The following UBR3 variants were observed in gnomAD, a reference collection of about 807,000 sequenced individuals.
UBR3 encodes the protein ubiquitin protein ligase E3 component n-recognin 3.
UBR3 carries 85 observed loss-of-function variants against 243.2 expected under a neutral mutation model. The ratio of observed to expected loss-of-function variants is 0.35; its 90% CI spans 0.29 to 0.42. The LOEUF is 0.42. Among genes scored for constraint, UBR3 ranks in the 10% least tolerant of loss-of-function variants. The probability of loss-of-function intolerance (pLI) is 1.00; values close to 1 mark genes in which losing one functional copy is unlikely to be tolerated. For synonymous variants in UBR3, 748 were observed against 799.8 expected (o/e 0.94, Z 1.09); for missense variants, 1,686 against 2,300.8 (o/e 0.73, Z 5.47).
rs1265037213 is a variant in UBR3 at position 169,838,117 on chromosome 2, TA to T, written c.545+10067del. On this transcript the variant is annotated intron_variant, in intron 1 of 38. Transcript: ENST00000272793. ...GTCAAGTTCTCTGGAAAACTTCTGT[TA>T]AGATGTTGACTGGCATCACATTAAA... is the stretch of plus-strand genomic sequence containing the variant. Among the ~76,000 whole-genome samples, 3 of 152,324 alleles carry T rather than the reference TA, an allele frequency of 2.0e-5. No individual in the cohort carries two copies. In the East Asian group the frequency reaches 5.8e-4, roughly 29 times the overall value.
At chr2:169,931,350 TAAAAAAAAAAAAA>T (rs66951181) in intron 18 of UBR3, among the ~76,000 whole-genome samples, 2 of 87,568 alleles carry the variant, frequency 2.3e-5, no homozygotes, top group African/African-American at 8.9e-5. Context: ...GAATCTGTCT[TAAAAAAAAAAAAA>T]AAAAAAAAAA....
chr2:169,942,435 A>T, intron 19 of UBR3, 58 bp from the exon 20 acceptor site: 1 of 1,471,992 alleles, frequency 6.8e-7, no homozygotes, highest in Non-Finnish European at 9.0e-7. Flanking sequence ...AATTACATTT[A>T]AACCACAGTT....
chr2:169,962,757 T>C (rs1285907661), intron 24 of UBR3, among the ~76,000 whole-genome samples: 2 of 150,316 alleles, frequency 1.3e-5, no homozygotes, highest in Non-Finnish European at 3.0e-5. Flanking sequence ...TTCTTTTTTT[T>C]CTTTATCTGT....
At chr2:170,072,224 A>G (rs1423673832) in intron 35 of UBR3, among the ~76,000 whole-genome samples, 6 of 152,232 alleles carry the variant, frequency 3.9e-5, no homozygotes, top group Admixed American at 2.6e-4. Context: ...CATATACGCC[A>G]TGGAATACTA....
intron 32 of UBR3, among the ~76,000 whole-genome samples, chr2:170,054,885 A>G (rs2091299267): frequency 6.6e-6 from 1 of 152,158 alleles, no homozygotes. Context: ...TGGCATTAGC[A>G]CTCTGGTCTT....
At chr2:170,026,092 C>T (rs1031233345) in intron 30 of UBR3, among the ~76,000 whole-genome samples, 23 of 151,008 alleles carry the variant, frequency 1.5e-4, no homozygotes, top group Non-Finnish European at 2.7e-4. Flanking sequence ...ATGGCTTTTC[C>T]TTTTTTTTAA....
At chr2:170,077,226 A>T in intron 36 of UBR3, 1 of 716,900 alleles carries the variant, frequency 1.4e-6, no homozygotes, top group South Asian at 1.4e-5. Context: ...AAGTGCTGTC[A>T]GACCAGTAAG....
intron 5 of UBR3, 108 bp from the exon 6 acceptor site, chr2:169,891,057 A>C: frequency 1.6e-6 from 1 of 644,208 alleles, no homozygotes; most frequent in Non-Finnish European, 2.6e-6. Flanking sequence ...GATTAGTAGT[A>C]TGTAAGCATG....
At chr2:169,992,982 A>G (rs2089336234) in intron 25 of UBR3, among the ~76,000 whole-genome samples, 1 of 151,062 alleles carries the variant, frequency 6.6e-6, no homozygotes, top group Non-Finnish European at 1.5e-5. Context: ...GCCGGTCTTG[A>G]ACTTCTGGCC....
chr2:170,053,976 A>G (rs1431106636), intron 32 of UBR3, among the ~76,000 whole-genome samples: 1 of 152,196 alleles, frequency 6.6e-6, no homozygotes, highest in Non-Finnish European at 1.5e-5. Flanking sequence ...ATTGAATGAG[A>G]CACTTGAAGA....
chr2:170,017,911 C>G (rs186656866), intron 30 of UBR3, among the ~76,000 whole-genome samples: 1 of 152,018 alleles, frequency 6.6e-6, no homozygotes, highest in Non-Finnish European at 1.5e-5. Flanking sequence ...ATCTTTAGAA[C>G]GACCATGTGA....
intron 24 of UBR3, among the ~76,000 whole-genome samples, chr2:169,960,488 T>G (rs183210278): frequency 6.6e-6 from 1 of 152,218 alleles, no homozygotes; most frequent in African/African-American, 2.4e-5. Context: ...ATCAGTTGAC[T>G]TTATCATATG....
At chr2:169,871,965 A>T (rs2083453483) in intron 1 of UBR3, among the ~76,000 whole-genome samples, 1 of 151,618 alleles carries the variant, frequency 6.6e-6, no homozygotes, top group Admixed American at 6.6e-5. Flanking sequence ...AATTTCAGTT[A>T]AAAAAAAGTG....
At chr2:170,001,477 T>C (rs910349716) in intron 27 of UBR3, 63 bp downstream of exon 27, 1 of 966,526 alleles carries the variant, frequency 1.0e-6, no homozygotes, top group South Asian at 1.4e-5. Flanking sequence ...AATCTTTTTA[T>C]AGTATATACA....
At chr2:169,931,847 A>G (rs944937180) in intron 18 of UBR3, among the ~76,000 whole-genome samples, 1 of 152,170 alleles carries the variant, frequency 6.6e-6, no homozygotes, top group African/African-American at 2.4e-5. Flanking sequence ...AATATACATT[A>G]TACACATTAA....
chr2:169,926,637 A>G (rs991395750), intron 14 of UBR3, 55 bp from the exon 15 acceptor site: 1 of 1,461,568 alleles, frequency 6.8e-7, no homozygotes, highest in Non-Finnish European at 9.2e-7. Flanking sequence ...AACATGATTA[A>G]TAGAAGAAGG....
In UBR3 at chr2:169,882,752, A is replaced by G. The variant is rs551544629; in HGVS notation, c.1038+4178A>G. On this transcript the variant is annotated intron_variant, in intron 5 of 38. Transcript: ENST00000272793. The stretch of plus-strand genomic sequence containing the variant: ...GACTCCATCTCAAAAAAAAGAAAAA[A>G]AAAAAGAAAAGTCATGTGATACAAC... 8.1e-4 allele frequency among the ~76,000 whole-genome samples: 123 copies of G among 152,158 alleles called. 2 individuals carry two copies. Among genetic ancestry groups the G allele is most frequent in the African/African-American group, 2.6e-3 (106 of 41,520 alleles).
At position 170,055,528 on chromosome 2, in the gene UBR3, G is replaced by C; in HGVS notation, c.4729G>C (p.Val1577Leu). The C allele has an allele frequency of 6.2e-7, 1 of 1,613,760 alleles. No individual in the cohort carries two copies. Among genetic ancestry groups the C allele is most frequent in the Non-Finnish European group, 8.5e-7 (1 of 1,179,750 alleles). Residue 1577 changes from valine to leucine, a missense_variant, in exon 33 of 39, where the codon GTT becomes CTT. Around this residue, in one of 8 missense-constraint regions of UBR3, gnomAD observed 371 missense variants for 422.5 expected, o/e 0.88. Transcript: ENST00000272793. ...CACACAGGCTCTTGCAGCACTCTCAGTTAAATGCAGCGAAGAAGATAGGTC... is the reference window on the plus strand; with the variant it reads ...CACACAGGCTCTTGCAGCACTCTCACTTAAATGCAGCGAAGAAGATAGGTC... ...LYTQALAALS[V>L]KCSEEDRSAW... is the part of the protein sequence containing the mutation.
intron 24 of UBR3, among the ~76,000 whole-genome samples, chr2:169,969,608 G>C (rs1559143430): frequency 6.6e-6 from 1 of 150,580 alleles, no homozygotes; most frequent in South Asian, 2.1e-4. Flanking sequence ...GAGTTCAGTG[G>C]TGCAATCTCG....
Sources: gnomAD v4.1 joint callset for allele counts (sites outside exome capture counted in the v4.1 genomes callset) on GRCh38, gnomAD v4.1.1 for gene constraint, gnomAD v4.1.1 regional missense constraint, MANE v1.5 for transcripts, NCBI Gene and HGNC (gene_info 2026-07-23, HGNC 2026-07-21) for gene names.